The following TFEC variants were observed in gnomAD, a reference collection of about 807,000 sequenced individuals.
TFEC encodes the protein transcription factor EC.
In TFEC, 31 loss-of-function variants were observed where a neutral mutation model predicts 41.6. That is an observed-to-expected ratio of 0.74 (90% CI 0.56 to 1.01). TFEC has a LOEUF of 1.01. Ranked by LOEUF, TFEC falls within the 50% of genes least tolerant of loss-of-function variation. The pLI, the probability that TFEC is intolerant of heterozygous loss-of-function variation, is 0.00. For missense variants in TFEC, 402 were observed against 404.1 expected, an observed-to-expected ratio of 0.99 and a Z score of 0.04; for synonymous variants, 143 against 140.6, an observed-to-expected ratio of 1.02 and a Z score of -0.12.
chr7:115,959,277 G>C (rs781594484), intron 3 of TFEC, among the ~76,000 whole-genome samples: 25 of 151,740 alleles, frequency 1.6e-4, no homozygotes, highest in Non-Finnish European at 3.2e-4. Flanking sequence ...TGATAGAGCA[G>C]AGTCTACTTC....
intron 1 of TFEC, among the ~76,000 whole-genome samples, chr7:116,009,581 G>T (rs1794922868): frequency 6.6e-6 from 1 of 151,984 alleles, no homozygotes; most frequent in Admixed American, 6.6e-5. Flanking sequence ...TATATTAGGG[G>T]AGATAAATAT....
intron 1 of TFEC, among the ~76,000 whole-genome samples, chr7:116,150,835 C>T (rs1372848616): frequency 6.6e-6 from 1 of 152,060 alleles, no homozygotes; most frequent in East Asian, 1.9e-4. Flanking sequence ...GAGTGTGACT[C>T]AAACCCACAT....
chr7:116,119,078 T>C (rs1415517424), intron 1 of TFEC, among the ~76,000 whole-genome samples: 1 of 151,916 alleles, frequency 6.6e-6, no homozygotes, highest in African/African-American at 2.4e-5. Context: ...AGAAAGTCAA[T>C]GAAAAATGAA....
rs185539541 is a variant in TFEC at position 116,076,160 on chromosome 7, C to T, written c.198+34548G>A. On this transcript the variant is annotated intron_variant, in intron 3 of 8. Transcript: ENST00000484212. ...CAGTAGCTCCACTGGGTGGCTAGACCCATAAAAGCAAAAACAATCACTGCA... is the reference window on the plus strand; with the variant it reads ...CAGTAGCTCCACTGGGTGGCTAGACTCATAAAAGCAAAAACAATCACTGCA... 1.1e-3 allele frequency among the ~76,000 whole-genome samples: 170 copies of T among 152,224 alleles called. 1 individual carries two copies. The highest frequency in any genetic ancestry group is 3.9e-3 in the African/African-American group (162 of 41,550).
At position 115,936,549 on chromosome 7, in the gene TFEC, T is replaced by C. The variant is rs1793237288; in HGVS notation, c.*4002A>G. 1 of 151,722 alleles carries C rather than the reference T, an allele frequency of 6.6e-6. No homozygotes were observed. The highest frequency in any genetic ancestry group is 1.9e-4 in the East Asian group (1 of 5,182). 9.4% of individuals were successfully genotyped at this position (151,722 alleles called of 1,614,324 possible). On this transcript the variant is annotated 3_prime_UTR_variant, in exon 8 of 8. Transcript: ENST00000265440. ...TAAAAAAATTTGGAACACTTAGTTATGCCATTTATTTATTTGAACGTTTAA... is the reference window on the plus strand; with the variant it reads ...TAAAAAAATTTGGAACACTTAGTTACGCCATTTATTTATTTGAACGTTTAA...
chr7:116,121,549 G>C lies in TFEC; in HGVS notation c.-68-9511C>G, dbSNP rs1584542749. On this transcript the variant is annotated intron_variant, in intron 1 of 8. Coordinates refer to the TFEC transcript ENST00000484212. The stretch of plus-strand genomic sequence containing the variant: ...AAATTGTACACTTTAAAATAGTTAA[G>C]ATGGTGAGTTTTAGGTTATGTGAAT... 2.0e-5 allele frequency: 3 copies of C among 151,982 alleles called. No homozygotes were observed. In the East Asian group the frequency reaches 5.8e-4, roughly 29 times the overall value. 9.4% of individuals were successfully genotyped at this position (151,982 alleles called of 1,614,324 possible).
Position 116,138,398 on chromosome 7 carries a change from T to C in TFEC, c.-69+21392A>G, listed in dbSNP as rs1361028610. Among the ~76,000 whole-genome samples, 4 of 152,192 alleles carry C rather than the reference T, an allele frequency of 2.6e-5. No individual in the cohort carries two copies. In the South Asian group the frequency reaches 8.3e-4, roughly 31 times the overall value. On this transcript the variant is annotated intron_variant, in intron 1 of 8. Transcript: ENST00000484212. Reference sequence around the variant, plus strand: ...ACTTTTGTCCACTAGATGTCCCCAGTACGTCACACAGAAGCTCTGATCTCA... The same window carrying C: ...ACTTTTGTCCACTAGATGTCCCCAGCACGTCACACAGAAGCTCTGATCTCA...
At chr7:116,108,211 T>C (rs1415135053) in intron 3 of TFEC, among the ~76,000 whole-genome samples, 2 of 152,170 alleles carry the variant, frequency 1.3e-5, no homozygotes, top group Admixed American at 6.6e-5. Context: ...TTACAATAAA[T>C]AAGCATTGTT....
At chr7:115,995,750 G>T (rs146184417) in intron 1 of TFEC, among the ~76,000 whole-genome samples, 23 of 152,232 alleles carry the variant, frequency 1.5e-4, no homozygotes, top group Admixed American at 1.4e-3. Flanking sequence ...GACACGGCTC[G>T]GAGAGAGTAT....
At chr7:116,083,726 A>G (rs77708122) in intron 3 of TFEC, among the ~76,000 whole-genome samples, 93 of 152,070 alleles carry the variant, frequency 6.1e-4, no homozygotes, top group Non-Finnish European at 1.1e-3. Context: ...GTTGGAGAAT[A>G]TAAGGCTTTT....
At chr7:116,030,512 T>C (rs1050239302) in intron 1 of TFEC, 121 bp downstream of exon 1, 1 of 611,730 alleles carries the variant, frequency 1.6e-6, no homozygotes, top group African/African-American at 2.0e-5. Context: ...CTAGTTATCA[T>C]AAAAGATGAA....
chr7:116,110,840 T>C, exon 3 of TFEC: 1 of 1,546,832 alleles, frequency 6.5e-7, no homozygotes, highest in South Asian at 1.2e-5. Flanking sequence ...TGATTTGAAG[T>C]CTTCTCTCCT....
intron 3 of TFEC, among the ~76,000 whole-genome samples, chr7:116,041,391 T>A (rs1305323150): frequency 6.6e-6 from 1 of 152,124 alleles, no homozygotes; most frequent in East Asian, 1.9e-4. Flanking sequence ...CAGATTCAAG[T>A]AATTTTGGGC....
At chr7:116,016,565 A>G (rs1471372092) in intron 1 of TFEC, among the ~76,000 whole-genome samples, 1 of 152,132 alleles carries the variant, frequency 6.6e-6, no homozygotes, top group East Asian at 1.9e-4. Context: ...CATGTGAATG[A>G]CACGCCCTAT....
intron 2 of TFEC, among the ~76,000 whole-genome samples, chr7:115,982,952 T>A (rs762936091): frequency 1.3e-5 from 2 of 152,150 alleles, no homozygotes; most frequent in Non-Finnish European, 2.9e-5. Context: ...TTTCTAGATT[T>A]TACCTAGAAT....
intron 3 of TFEC, among the ~76,000 whole-genome samples, chr7:116,109,484 C>T (rs1396036483): frequency 6.6e-6 from 1 of 152,208 alleles, no homozygotes; most frequent in Non-Finnish European, 1.5e-5. Flanking sequence ...TGCTCATCAT[C>T]ACTGGCCATC....
At chr7:116,101,651 A>C (rs957108876) in intron 3 of TFEC, among the ~76,000 whole-genome samples, 2 of 150,990 alleles carry the variant, frequency 1.3e-5, no homozygotes, top group African/African-American at 4.9e-5. Flanking sequence ...AGAAATTTTC[A>C]CTTTTAAGAT....
intron 1 of TFEC, among the ~76,000 whole-genome samples, chr7:116,019,446 T>G (rs1326607535): frequency 6.6e-6 from 1 of 152,186 alleles, no homozygotes; most frequent in African/African-American, 2.4e-5. Flanking sequence ...TTCTTAAGGC[T>G]TACACACTAT....
intron 2 of TFEC, among the ~76,000 whole-genome samples, chr7:115,977,301 G>C (rs1415294271): frequency 1.3e-5 from 2 of 151,948 alleles, no homozygotes; most frequent in African/African-American, 4.8e-5. Context: ...CAAATTGCTT[G>C]ACAAAAGTAA....
Sources: gnomAD v4.1 joint callset for allele counts (sites outside exome capture counted in the v4.1 genomes callset) on GRCh38, gnomAD v4.1.1 for gene constraint, MANE v1.5 for transcripts, NCBI Gene and HGNC (gene_info 2026-07-23, HGNC 2026-07-21) for gene names.